Variants in PLCB1 observed in about 807,000 individuals in gnomAD.
PLCB1 encodes the protein 1-phosphatidylinositol 4,5-bisphosphate phosphodiesterase beta-1.
In PLCB1, 46 loss-of-function variants were observed where a neutral mutation model predicts 161.8. The ratio of observed to expected loss-of-function variants is 0.28; its 90% confidence interval spans 0.22 to 0.36. The LOEUF is 0.36. Ranked by LOEUF, PLCB1 falls within the 10% of genes least tolerant of loss-of-function variation. The probability of loss-of-function intolerance (pLI) is 1.00; values close to 1 mark genes in which losing one functional copy is unlikely to be tolerated. For missense variants in PLCB1, 1,016 were observed against 1,472.5 expected, an observed-to-expected ratio of 0.69 and a Z score of 5.07; for synonymous variants, 517 against 503.7, an observed-to-expected ratio of 1.03 and a Z score of -0.35.
At chr20:8,417,918 T>C (rs539093744) in intron 3 of PLCB1, among the ~76,000 whole-genome samples, 71 of 152,324 alleles carry the variant, frequency 4.7e-4, no homozygotes, top group African/African-American at 1.6e-3. Context: ...TCCTAAGTGT[T>C]ACACACAGGA....
At chr20:8,808,380 G>A (rs184805505) in intron 31 of PLCB1, among the ~76,000 whole-genome samples, 12 of 152,178 alleles carry the variant, frequency 7.9e-5, no homozygotes, top group African/African-American at 2.4e-4. Context: ...GCATGCACAC[G>A]CTGGCACTTC....
chr20:8,480,274 A>G (rs894902707), intron 3 of PLCB1, among the ~76,000 whole-genome samples: 2 of 149,326 alleles, frequency 1.3e-5, no homozygotes, highest in Non-Finnish European at 3.0e-5. Flanking sequence ...CCGGATTATG[A>G]TTAAGCTCAT....
chr20:8,668,451 C>G (rs1185283829), intron 9 of PLCB1, among the ~76,000 whole-genome samples: 1 of 152,094 alleles, frequency 6.6e-6, no homozygotes, highest in African/African-American at 2.4e-5. Context: ...AGCATTCTAC[C>G]TTATATGTAG....
At chr20:8,565,573 A>G (rs1168661126) in intron 3 of PLCB1, among the ~76,000 whole-genome samples, 2 of 151,818 alleles carry the variant, frequency 1.3e-5, no homozygotes, top group African/African-American at 4.8e-5. Flanking sequence ...TAAAAAAAAG[A>G]AAGTGGGTCT....
intron 3 of PLCB1, among the ~76,000 whole-genome samples, chr20:8,523,895 G>A (rs920670019): frequency 6.6e-6 from 1 of 152,034 alleles, no homozygotes; most frequent in Non-Finnish European, 1.5e-5. Context: ...CCACCCAGAG[G>A]CCTGCATGGG....
intron 3 of PLCB1, among the ~76,000 whole-genome samples, chr20:8,374,485 C>T (rs892865203): frequency 6.6e-6 from 1 of 152,204 alleles, no homozygotes; most frequent in Non-Finnish European, 1.5e-5. Context: ...GGATGCTACC[C>T]TCTGCACACC....
chr20:8,651,445 GC>G (rs1568546947), intron 7 of PLCB1: 1 of 728,158 alleles, frequency 1.4e-6, no homozygotes, highest in Non-Finnish European at 2.6e-6. Flanking sequence ...CGAAAAGTGA[GC>G]AGAGCTGTGG....
intron 17 of PLCB1, among the ~76,000 whole-genome samples, chr20:8,728,806 C>G (rs1980077759): frequency 6.6e-6 from 1 of 151,886 alleles, no homozygotes; most frequent in African/African-American, 2.4e-5. Flanking sequence ...GTTTAGAAAG[C>G]TTTTTGCATA....
chr20:8,181,613 G>C (rs1013401628), intron 2 of PLCB1, among the ~76,000 whole-genome samples: 27 of 152,192 alleles, frequency 1.8e-4, no homozygotes, highest in African/African-American at 6.5e-4. Flanking sequence ...GTATATACAA[G>C]GATTCTCAGT....
chr20:8,523,496 C>CTCTCTCTATATATATATATATATATATA, intron 3 of PLCB1, among the ~76,000 whole-genome samples: 1 of 51,654 alleles, frequency 1.9e-5, no homozygotes, highest in African/African-American at 8.3e-5. Context: ...CTCTCTCTCT[C>CTCTCTCTATATATATATATATATATATA]TATATATATA....
At chr20:8,140,751 C>T (rs748818085) in intron 1 of PLCB1, among the ~76,000 whole-genome samples, 7 of 152,036 alleles carry the variant, frequency 4.6e-5, no homozygotes, top group East Asian at 1.9e-4. Context: ...ATGATGTCCC[C>T]GAACAGGGTC....
intron 3 of PLCB1, among the ~76,000 whole-genome samples, chr20:8,524,854 T>C (rs1231105044): frequency 1.3e-5 from 2 of 152,090 alleles, no homozygotes; most frequent in African/African-American, 2.4e-5. Flanking sequence ...TCCCCAGAAA[T>C]AGTTTTACTG....
At chr20:8,542,087 A>C (rs16994902) in intron 3 of PLCB1, among the ~76,000 whole-genome samples, 2,588 of 152,316 alleles carry the variant, frequency 0.017, 64 homozygotes, top group African/African-American at 0.056. Flanking sequence ...TAATAGCCTC[A>C]GATGATATCT....
chr20:8,796,822 C>G (rs1277386584), intron 31 of PLCB1, among the ~76,000 whole-genome samples: 1 of 152,146 alleles, frequency 6.6e-6, no homozygotes, highest in Non-Finnish European at 1.5e-5. Flanking sequence ...CTTTTAAACA[C>G]ATAAGACATT....
In PLCB1 at chr20:8,790,250, G is replaced by T; in HGVS notation, c.3412G>T (p.Glu1138Ter). 1 of 1,609,992 alleles carries T rather than the reference G, an allele frequency of 6.2e-7. No homozygotes were observed. Among genetic ancestry groups the T allele is most frequent in the South Asian group, 1.1e-5 (1 of 90,592 alleles). Residue 1138 changes from glutamate to a stop codon, truncating the protein, a stop_gained, in exon 31 of 32, where the codon GAA (glutamate) becomes TAA (stop). Coordinates refer to ENST00000338037, the MANE Select transcript of PLCB1 (RefSeq NM_015192.4). LOFTEE classifies it high-confidence loss of function. ...GGAAATACGTCAGCAGATCCTGGAT[G>T]AAAAGCCCAAGGTAAACGGAACTGA... The part of the protein sequence containing the change: ...HKEIRQQILD[E>*]KPKLQVELEQ...
chr20:8,139,699 G>A (rs944333757), intron 1 of PLCB1, among the ~76,000 whole-genome samples: 1 of 152,130 alleles, frequency 6.6e-6, no homozygotes, highest in African/African-American at 2.4e-5. Context: ...GAAAACCATA[G>A]AGCGAATCAG....
intron 3 of PLCB1, among the ~76,000 whole-genome samples, chr20:8,461,384 G>A (rs992018480): frequency 1.3e-5 from 2 of 152,122 alleles, no homozygotes; most frequent in African/African-American, 2.4e-5. Context: ...CCACTTACAG[G>A]ATAATTTCTG....
chr20:8,702,799 A>G (rs1232292519), intron 11 of PLCB1, among the ~76,000 whole-genome samples: 1 of 152,230 alleles, frequency 6.6e-6, no homozygotes. Flanking sequence ...AAAAGCTATA[A>G]CTGGTTTTCT....
At chr20:8,226,710 C>G (rs116862560) in intron 2 of PLCB1, among the ~76,000 whole-genome samples, 1 of 147,622 alleles carries the variant, frequency 6.8e-6, no homozygotes, top group Non-Finnish European at 1.5e-5. Context: ...TTTTTTGAGA[C>G]GAAATCTCAC....
Sources: allele counts gnomAD v4.1 joint callset (sites outside exome capture counted in the v4.1 genomes callset), GRCh38; gene constraint gnomAD v4.1.1; transcripts MANE v1.5; gene names NCBI Gene and HGNC (gene_info 2026-07-23, HGNC 2026-07-21).